Variants in MROH1 observed in about 807,000 individuals in gnomAD.
MROH1 encodes maestro heat-like repeat-containing protein family member 1.
In MROH1, 117 loss-of-function variants were observed where a neutral mutation model predicts 116.5. The ratio of observed to expected loss-of-function variants is 1.00; its 90% CI spans 0.86 to 1.17. MROH1 has a LOEUF of 1.17. Ranked by LOEUF, MROH1 falls within the 50% of genes most tolerant of loss-of-function variation. The pLI, the probability that MROH1 is intolerant of heterozygous loss-of-function variation, is 0.00. For synonymous variants in MROH1, 921 were observed against 583.9 expected (o/e 1.58, Z -8.32); for missense variants, 1,873 against 1,338.5 (o/e 1.40, Z -6.23).
chr8:144,242,517 T>C lies in MROH1; in HGVS notation c.2325+2T>C. 1.3e-6 allele frequency: 1 copy of C among 780,596 alleles called. No homozygotes were observed. The highest frequency in any genetic ancestry group is 2.4e-6 in the Non-Finnish European group (1 of 417,794). The allele number at this position is 780,596 out of a possible 1,614,324, so 48.4% of individuals were successfully genotyped here. On this transcript the variant is annotated splice_donor_variant, in intron 23 of 43. Transcript: ENST00000326134. LOFTEE classifies it high-confidence loss of function. Reference sequence around the variant, plus strand: ...ATCTGCCAGCACTTCAGCACCAAGGTGGGCACTGCGGTGGGCCTGCCACGC... The same window carrying C: ...ATCTGCCAGCACTTCAGCACCAAGGCGGGCACTGCGGTGGGCCTGCCACGC...
intron 20 of MROH1, 134 bp from the exon 21 acceptor site, chr8:144,240,858 G>A (rs1840860073): frequency 2.9e-6 from 2 of 690,000 alleles, no homozygotes; most frequent in African/African-American, 3.5e-5. Context: ...TTCCTCAGAT[G>A]TTGCCCCAGA....
intron 33 of MROH1, chr8:144,254,611 C>G (rs1843376480): frequency 1.7e-6 from 1 of 582,312 alleles, no homozygotes; most frequent in Non-Finnish European, 3.1e-6. Context: ...TCCTTTATTA[C>G]CAGCTCTGTT....
intron 22 of MROH1, 27 bp downstream of exon 22, chr8:144,241,544 G>C: frequency 1.3e-6 from 1 of 777,642 alleles, no homozygotes; most frequent in Non-Finnish European, 2.4e-6. Flanking sequence ...TGCAGGGCTG[G>C]GGACGGCTGT....
In MROH1 at chr8:144,245,121, C is replaced by T. The variant is rs898140368; in HGVS notation, c.2767-35C>T. On this transcript the variant is annotated intron_variant, in intron 28 of 43. Coordinates refer to ENST00000326134, the MANE Select transcript of MROH1 (RefSeq NM_032450.3). ...AGGCTCCTGCCCCCAGGGCTGCCCT[C>T]TGAGCAGTACCTGTGTGACGCCCCT... The T allele has an allele frequency of 5.1e-6, 4 of 778,436 alleles. No homozygotes were observed. In the South Asian group the frequency reaches 5.4e-5, roughly 10 times the overall value. The allele number at this position is 778,436 out of a possible 1,614,324, so 48.2% of individuals were successfully genotyped here. A position where few individuals can be genotyped will look rare whatever the true frequency, so the allele number is the denominator to read the frequency against.
At position 144,240,086 on chromosome 8, in the gene MROH1, C is replaced by T. The variant is rs1231731779; in HGVS notation, c.1775-15C>T. On this transcript the variant is annotated splice_polypyrimidine_tract_variant and intron_variant, in intron 18 of 43. Transcript: ENST00000326134. ...GCGTTTTGGGATGGGCTGGCCTGCG[C>T]GGCTGTCGTTTCAGAGCACACAGAA... 5.2e-6 allele frequency: 4 copies of T among 774,666 alleles called. No homozygotes were observed. Among genetic ancestry groups the T allele is most frequent in the African/African-American group, 1.7e-5 (1 of 59,048 alleles). 48.0% of individuals were successfully genotyped at this position (774,666 alleles called of 1,614,324 possible).
intron 36 of MROH1, 148 bp downstream of exon 36, chr8:144,259,062 T>A (rs1283809284): frequency 1.5e-6 from 1 of 649,552 alleles, no homozygotes; most frequent in Non-Finnish European, 2.8e-6. Context: ...GGGGCAGGGG[T>A]AGGGAGGCAC....
intron 33 of MROH1, 109 bp from the exon 34 acceptor site, chr8:144,254,704 G>C (rs1170971921): frequency 3.2e-6 from 2 of 632,324 alleles, no homozygotes; most frequent in Non-Finnish European, 5.7e-6. Context: ...AGCTGAGCCT[G>C]GTGGCTGTGT....
chr8:144,255,671 C>G lies in MROH1; in HGVS notation c.3757C>G (p.Pro1253Ala). The G allele has an allele frequency of 2.6e-6, 2 of 765,114 alleles. No individual in the cohort carries two copies. The highest frequency in any genetic ancestry group is 4.9e-6 in the Non-Finnish European group (2 of 411,452). 47.4% of individuals were successfully genotyped at this position (765,114 alleles called of 1,614,324 possible). ...LQAQERRGAS[P>A]ALATRNLEPC... The stretch of plus-strand genomic sequence containing the variant: ...GGCCCAGGAAAGGAGGGGTGCCAGT[C>G]CAGCCCTAGCCACCAGGAACCTGGA... The change falls in exon 35 of 44, where the codon CCA becomes GCA. Residue 1253 changes from proline to alanine, a missense_variant. By Grantham distance (27) the Pro-to-Ala change is conservative (BLOSUM62 -1). Transcript: ENST00000326134.
chr8:144,241,444 C>T lies in MROH1; in HGVS notation c.2105C>T (p.Thr702Met), dbSNP rs993092239. ...GICAISHLED[T>M]LAQLEDFVRS... ...TGTGCCATCTCCCACCTCGAGGACACGCTGGCCCAGCTGGAGGACTTCGTG... is the reference window on the plus strand; with the variant it reads ...TGTGCCATCTCCCACCTCGAGGACATGCTGGCCCAGCTGGAGGACTTCGTG... The change falls in exon 22 of 44, where the codon ACG becomes ATG. Residue 702 changes from threonine to methionine, a missense_variant. Thr to Met is a moderately conservative substitution (Grantham distance 81). Transcript: ENST00000326134. 3.5e-4 allele frequency: 275 copies of T among 778,668 alleles called. No homozygotes were observed. In the African/African-American group the frequency reaches 4.1e-3, roughly 12 times the overall value. The allele number at this position is 778,668 out of a possible 1,614,324, so 48.2% of individuals were successfully genotyped here. A position where few individuals can be genotyped will look rare whatever the true frequency, so the allele number is the denominator to read the frequency against.
At chr8:144,233,778 T>A (rs1228650061) in intron 14 of MROH1, among the ~76,000 whole-genome samples, 3 of 152,248 alleles carry the variant, frequency 2.0e-5, no homozygotes, top group African/African-American at 7.2e-5. Flanking sequence ...TTCTGGCTCC[T>A]GTGAATAATG....
intron 14 of MROH1, among the ~76,000 whole-genome samples, chr8:144,236,895 CCTTTTTTT>C (rs1840129581): frequency 1.5e-5 from 2 of 131,150 alleles, no homozygotes; most frequent in African/African-American, 5.9e-5. Context: ...CTCTCCTATT[CCTTTTTTT>C]TTTTTTTTTT....
intron 22 of MROH1, chr8:144,242,129 T>C (rs1236977881): frequency 3.3e-6 from 2 of 604,662 alleles, no homozygotes; most frequent in African/African-American, 1.8e-5. Context: ...CTTGGCCCTC[T>C]GTTACTCGGT....
chr8:144,220,479 C>A, intron 12 of MROH1, 121 bp from the exon 13 acceptor site: 2 of 751,122 alleles, frequency 2.7e-6, no homozygotes, highest in South Asian at 1.8e-5. Context: ...GTATGCTTTC[C>A]TTATGCTCCC....
chr8:144,224,329 G>A (rs1429896802), intron 14 of MROH1, among the ~76,000 whole-genome samples: 1 of 152,050 alleles, frequency 6.6e-6, no homozygotes, highest in African/African-American at 2.4e-5. Flanking sequence ...GAGTGCATTG[G>A]CGAGATCACA....
At chr8:144,234,892 T>TTTC (rs34475535) in intron 14 of MROH1, among the ~76,000 whole-genome samples, 1,555 of 29,266 alleles carry the variant, frequency 0.053, 36 homozygotes, top group African/African-American at 0.17. Flanking sequence ...TTTTTCTTTC[T>TTTC]TTTTTTTTTT....
intron 35 of MROH1, among the ~76,000 whole-genome samples, 155 bp from the exon 36 acceptor site, chr8:144,258,622 G>A (rs1844375755): frequency 6.6e-6 from 1 of 152,218 alleles, no homozygotes; most frequent in African/African-American, 2.4e-5. Flanking sequence ...GCCTCTAGCA[G>A]ATGGCCCAGA....
chr8:144,201,335 A>C (rs1831100702), intron 12 of MROH1, among the ~76,000 whole-genome samples: 1 of 152,156 alleles, frequency 6.6e-6, no homozygotes, highest in African/African-American at 2.4e-5. Flanking sequence ...CTGGGATTAC[A>C]GGCGTGAGCC....
At chr8:144,234,403 A>T (rs918357056) in intron 14 of MROH1, among the ~76,000 whole-genome samples, 1 of 149,426 alleles carries the variant, frequency 6.7e-6, no homozygotes, top group Non-Finnish European at 1.5e-5. Flanking sequence ...TGTAGTTTTC[A>T]TAGTATACGT....
intron 30 of MROH1, 24 bp downstream of exon 30, chr8:144,247,460 G>A: frequency 1.3e-6 from 1 of 768,258 alleles, no homozygotes; most frequent in East Asian, 2.5e-5. Context: ...AGGAGTGTGG[G>A]GGCCAGTGGT....
Sources: allele counts gnomAD v4.1 joint callset (sites outside exome capture counted in the v4.1 genomes callset), GRCh38; gene constraint gnomAD v4.1.1; transcripts MANE v1.5; gene names NCBI Gene and HGNC (gene_info 2026-07-23, HGNC 2026-07-21).